The following LOC400499 variants were observed in gnomAD, a reference collection of about 807,000 sequenced individuals.
the LOC400499 span, among the ~76,000 whole-genome samples, chr16:11,376,665 C>G: frequency 6.6e-6 from 1 of 152,024 alleles, no homozygotes; most frequent in African/African-American, 2.4e-5. Context: ...ATTGTTTTGG[C>G]CATTTGGAGT....
chr16:11,413,017 G>C, the LOC400499 span: 1 of 398,926 alleles, frequency 2.5e-6, no homozygotes, highest in Non-Finnish European at 4.4e-6. Context: ...CACAGGCTGG[G>C]TGGGGACCCC....
At chr16:11,518,292 G>A in the LOC400499 span, among the ~76,000 whole-genome samples, 254 of 152,356 alleles carry the variant, frequency 1.7e-3, 5 homozygotes, top group Admixed American at 0.014. Context: ...GGAATCTGCA[G>A]AGAAGGAGTT....
chr16:11,399,869 G>A, the LOC400499 span: 1 of 398,606 alleles, frequency 2.5e-6, no homozygotes, highest in African/African-American at 2.1e-5. Flanking sequence ...TAGGGGAGAG[G>A]AGAGGTTAAC....
the LOC400499 span, among the ~76,000 whole-genome samples, chr16:11,519,211 C>G: frequency 6.6e-6 from 1 of 152,070 alleles, no homozygotes; most frequent in Admixed American, 6.6e-5. Flanking sequence ...CTCATTTTGC[C>G]CAAAAAGACG....
At chr16:11,480,126 C>A in the LOC400499 span, among the ~76,000 whole-genome samples, 1 of 152,188 alleles carries the variant, frequency 6.6e-6, no homozygotes, top group Non-Finnish European at 1.5e-5. Context: ...ACAGTCCCCA[C>A]CACTCCCTAT....
chr16:11,410,323 G>A, the LOC400499 span, among the ~76,000 whole-genome samples: 5 of 152,100 alleles, frequency 3.3e-5, no homozygotes, highest in South Asian at 8.3e-4. Context: ...GCGTGGTGGC[G>A]CACGCCTGTC....
chr16:11,380,677 G>C, the LOC400499 span, among the ~76,000 whole-genome samples: 1 of 150,600 alleles, frequency 6.6e-6, no homozygotes, highest in African/African-American at 2.4e-5. Context: ...TGGTGTCCAA[G>C]AGGGGAATAA....
At chr16:11,443,308 A>G in the LOC400499 span, 2 of 377,866 alleles carry the variant, frequency 5.3e-6, no homozygotes, top group Non-Finnish European at 9.9e-6. Flanking sequence ...TGGGCAACAG[A>G]GCAAGACTCG....
At chr16:11,446,486 C>T in the LOC400499 span, 22 of 1,426,528 alleles carry the variant, frequency 1.5e-5, no homozygotes, top group Non-Finnish European at 2.1e-5. Context: ...TCCTATTGAG[C>T]GATGACAGCA....
At chr16:11,413,734 C>T in the LOC400499 span, among the ~76,000 whole-genome samples, 2 of 152,342 alleles carry the variant, frequency 1.3e-5, no homozygotes, top group South Asian at 4.1e-4. Flanking sequence ...TCTTCTTCAT[C>T]TTTGCCTTCA....
the LOC400499 span, among the ~76,000 whole-genome samples, chr16:11,405,614 G>A: frequency 1.4e-4 from 22 of 152,122 alleles, no homozygotes; most frequent in Non-Finnish European, 1.9e-4. Flanking sequence ...GCACTGCAGG[G>A]GGACTGCTGG....
At chr16:11,471,409 C>G in the LOC400499 span, 1 of 365,194 alleles carries the variant, frequency 2.7e-6, no homozygotes, top group Admixed American at 4.6e-5. Flanking sequence ...CTGGGGTAAC[C>G]AAGGCAGGCT....
At chr16:11,462,286 C>A in the LOC400499 span, 1 of 1,503,848 alleles carries the variant, frequency 6.6e-7, no homozygotes, top group Non-Finnish European at 8.9e-7. Context: ...CCATGGCTGG[C>A]TGCAGGTCAC....
the LOC400499 span, among the ~76,000 whole-genome samples, chr16:11,422,440 C>T: frequency 0.33 from 50,105 of 151,238 alleles, 8,395 homozygotes; most frequent in Non-Finnish European, 0.35. Context: ...CAGAACGGAA[C>T]GGAAAGGAAA....
the LOC400499 span, among the ~76,000 whole-genome samples, chr16:11,376,343 T>C: frequency 2.1e-4 from 29 of 140,288 alleles, no homozygotes; most frequent in Middle Eastern, 3.5e-3. Context: ...TAATCCATTA[T>C]TGAGGTTTTC....
chr16:11,396,478 C>T, the LOC400499 span: 1 of 1,232,050 alleles, frequency 8.1e-7, no homozygotes, highest in Non-Finnish European at 1.0e-6. Flanking sequence ...GATATCTTTC[C>T]CAGGGACTGT....
chr16:11,505,866 TCTTTA>T, the LOC400499 span, among the ~76,000 whole-genome samples: 3 of 152,300 alleles, frequency 2.0e-5, no homozygotes, highest in African/African-American at 7.2e-5. Flanking sequence ...AACCACCTTT[TCTTTA>T]CGTTAGAAAC....
At chr16:11,414,448 AG>A in the LOC400499 span, 6 of 400,318 alleles carry the variant, frequency 1.5e-5, no homozygotes. Flanking sequence ...CAGGGCTGCC[AG>A]GTCCATGCTG....
chr16:11,491,707 T>G, the LOC400499 span: 1 of 171,714 alleles, frequency 5.8e-6, no homozygotes, highest in Non-Finnish European at 1.2e-5. Context: ...TCACCCTGGG[T>G]GGAGAGCTCG....
Sources: allele counts gnomAD v4.1 joint callset (sites outside exome capture counted in the v4.1 genomes callset), GRCh38; gene constraint gnomAD v4.1.1; transcripts MANE v1.5.